Variants in IQCJ observed in about 807,000 individuals in gnomAD.
IQCJ encodes the protein IQ domain-containing protein J.
A neutral mutation model predicts 11.0 loss-of-function variants in IQCJ; 9 were observed. The ratio of observed to expected loss-of-function variants is 0.82; its 90% CI spans 0.49 to 1.43. The LOEUF (loss-of-function observed/expected upper bound fraction) is 1.43, where lower values mean the gene tolerates loss of function less well. Ranked by LOEUF, IQCJ falls within the 40% of genes most tolerant of loss-of-function variation. IQCJ has a pLI of 0.00. For synonymous variants in IQCJ, 55 were observed against 51.3 expected, an observed-to-expected ratio of 1.07 and a Z score of -0.31; for missense variants, 146 against 133.2, an observed-to-expected ratio of 1.10 and a Z score of -0.47.
chr3:159,139,623 G>C (rs922869395), intron 1 of IQCJ, among the ~76,000 whole-genome samples: 2 of 152,202 alleles, frequency 1.3e-5, no homozygotes, highest in Non-Finnish European at 2.9e-5. Context: ...GGCTGTTACT[G>C]TGAAGACCAG....
At chr3:159,128,528 T>C (rs1313762687) in intron 1 of IQCJ, among the ~76,000 whole-genome samples, 1 of 152,186 alleles carries the variant, frequency 6.6e-6, no homozygotes, top group African/African-American at 2.4e-5. Flanking sequence ...CCATTCTCAA[T>C]CTTGGCGTCT....
At chr3:159,161,246 T>C (rs57517740) in intron 1 of IQCJ, among the ~76,000 whole-genome samples, 4,300 of 152,282 alleles carry the variant, frequency 0.028, 221 homozygotes, top group African/African-American at 0.098. Context: ...TGGTATGTCA[T>C]TGTGGTTTTG....
intron 1 of IQCJ, among the ~76,000 whole-genome samples, chr3:159,095,552 C>G (rs1717682649): frequency 1.7e-5 from 2 of 114,550 alleles, no homozygotes; most frequent in South Asian, 6.8e-4. Flanking sequence ...GTGTGATATT[C>G]CCCTTCCTGT....
chr3:159,160,937 G>C (rs1394401572), intron 1 of IQCJ, among the ~76,000 whole-genome samples: 1 of 152,076 alleles, frequency 6.6e-6, no homozygotes. Context: ...ATCATGGTTG[G>C]ACATTTGGGT....
Position 159,155,181 on chromosome 3 carries a change from A to G in IQCJ, c.9+85740A>G, listed in dbSNP as rs547484567. Among the ~76,000 whole-genome samples the G allele has an allele frequency of 2.0e-5, 3 of 152,250 alleles. No homozygotes were observed. The East Asian group carries it at 5.8e-4, about 29-fold the overall frequency. ...ATTTATTTATTTATTTATTTGAGAC[A>G]GAGTTTTGCTCTGTCACCAAGGCTG... On this transcript the variant is annotated intron_variant, in intron 1 of 3. Coordinates refer to ENST00000397832, the MANE Select transcript of IQCJ (RefSeq NM_001042706.3).
intron 1 of IQCJ, among the ~76,000 whole-genome samples, chr3:159,156,703 A>G (rs909468172): frequency 1.3e-5 from 2 of 152,146 alleles, no homozygotes; most frequent in African/African-American, 4.8e-5. Flanking sequence ...AGAGGTGTAA[A>G]GAGACAGAGC....
chr3:159,258,013 A>G (rs186835307), intron 3 of IQCJ, among the ~76,000 whole-genome samples: 108 of 152,332 alleles, frequency 7.1e-4, no homozygotes, highest in Non-Finnish European at 1.1e-3. Flanking sequence ...ATAGATGTAA[A>G]AAAGATCATA....
downstream of IQCJ, chr3:159,263,764 T>G: frequency 2.0e-6 from 2 of 985,340 alleles, no homozygotes; most frequent in Non-Finnish European, 1.2e-6. Context: ...TGCCTAGATA[T>G]GGATTTAAAG....
chr3:159,085,240 C>T (rs1228151792), intron 1 of IQCJ, among the ~76,000 whole-genome samples: 4 of 151,674 alleles, frequency 2.6e-5, no homozygotes, highest in East Asian at 3.9e-4. Flanking sequence ...CTACAAAGGA[C>T]ATGAACTCAT....
intron 1 of IQCJ, among the ~76,000 whole-genome samples, chr3:159,216,108 G>A (rs1454658971): frequency 6.9e-6 from 1 of 144,318 alleles, no homozygotes; most frequent in Non-Finnish European, 1.5e-5. Context: ...GTGGGTGGAT[G>A]GAGAGAGAGA....
At chr3:159,128,643 T>A (rs946537267) in intron 1 of IQCJ, among the ~76,000 whole-genome samples, 2 of 152,176 alleles carry the variant, frequency 1.3e-5, no homozygotes, top group Non-Finnish European at 2.9e-5. Context: ...TCAGCCTCTC[T>A]CATCTTCCAG....
At chr3:159,102,100 T>G (rs929983331) in intron 1 of IQCJ, among the ~76,000 whole-genome samples, 1 of 152,224 alleles carries the variant, frequency 6.6e-6, no homozygotes, top group Non-Finnish European at 1.5e-5. Context: ...AAAAGCATGT[T>G]CACCTAAAAT....
chr3:159,180,139 A>C (rs1723013314), intron 1 of IQCJ, among the ~76,000 whole-genome samples: 1 of 152,226 alleles, frequency 6.6e-6, no homozygotes, highest in African/African-American at 2.4e-5. Flanking sequence ...ATAGACAGGC[A>C]TGTTTATCTG....
chr3:159,122,567 A>T (rs1262336117), intron 1 of IQCJ, among the ~76,000 whole-genome samples: 1 of 152,308 alleles, frequency 6.6e-6, no homozygotes, highest in Non-Finnish European at 1.5e-5. Flanking sequence ...TCCTGATAAT[A>T]TTATTTCCTT....
intron 1 of IQCJ, among the ~76,000 whole-genome samples, chr3:159,105,553 T>C (rs920131962): frequency 3.3e-5 from 5 of 152,090 alleles, no homozygotes; most frequent in African/African-American, 9.7e-5. Context: ...TTGTGGATGA[T>C]GTTAAGAGGC....
chr3:159,170,338 A>T (rs1722420649), intron 1 of IQCJ, among the ~76,000 whole-genome samples: 1 of 152,194 alleles, frequency 6.6e-6, no homozygotes, highest in African/African-American at 2.4e-5. Flanking sequence ...GGAAGAAAAG[A>T]AGACATGAAA....
chr3:159,140,517 T>G (rs1720540527), intron 1 of IQCJ, among the ~76,000 whole-genome samples: 1 of 152,164 alleles, frequency 6.6e-6, no homozygotes, highest in Non-Finnish European at 1.5e-5. Context: ...CGTTATAAAT[T>G]TTGTGCTAGT....
At chr3:159,101,723 G>T (rs769991676) in intron 1 of IQCJ, among the ~76,000 whole-genome samples, 2 of 152,070 alleles carry the variant, frequency 1.3e-5, no homozygotes, top group African/African-American at 4.8e-5. Flanking sequence ...TTTGTGTTCA[G>T]GTTTCACCAG....
intron 1 of IQCJ, among the ~76,000 whole-genome samples, chr3:159,185,547 T>C (rs189873069): frequency 6.6e-6 from 1 of 152,284 alleles, no homozygotes; most frequent in Non-Finnish European, 1.5e-5. Flanking sequence ...CAGAAAACTA[T>C]TATTATCTCA....
Sources: allele counts gnomAD v4.1 joint callset (sites outside exome capture counted in the v4.1 genomes callset), GRCh38; gene constraint gnomAD v4.1.1; transcripts MANE v1.5; gene names NCBI Gene and HGNC (gene_info 2026-07-23, HGNC 2026-07-21).